GHR: variants seen among roughly 807,000 people sequenced by gnomAD.
The protein encoded by GHR is growth hormone receptor, also known as GH receptor.
In GHR, 35 loss-of-function variants were observed where a neutral mutation model predicts 67.1. The observed-to-expected ratio is 0.52, with a 90% CI of 0.40 to 0.69. The LOEUF is 0.69. GHR is among the 30% of genes least tolerant of loss of function. GHR has a pLI of 0.00. For synonymous variants in GHR, 272 were observed against 269.1 expected (o/e 1.01, Z -0.10); for missense variants, 792 against 764.6 (o/e 1.04, Z -0.42).
intron 1 of GHR, among the ~76,000 whole-genome samples, chr5:42,547,597 A>T (rs1338649581): frequency 6.6e-6 from 1 of 152,200 alleles, no homozygotes; most frequent in African/African-American, 2.4e-5. Flanking sequence ...GGTAATCAGA[A>T]AAACCCTAAA....
chr5:42,617,390 A>G (rs4866941), intron 2 of GHR, among the ~76,000 whole-genome samples: 915 of 6,822 alleles, frequency 0.13, 10 homozygotes, highest in Non-Finnish European at 0.22. Flanking sequence ...CATTTTACAC[A>G]CACACACACA....
At chr5:42,573,722 C>A (rs1225624735) in intron 2 of GHR, among the ~76,000 whole-genome samples, 4 of 152,246 alleles carry the variant, frequency 2.6e-5, no homozygotes, top group Admixed American at 6.5e-5. Flanking sequence ...TTTTCTTAGC[C>A]CCATTCCTTA....
chr5:42,438,295 T>C (rs1160909704), intron 1 of GHR, among the ~76,000 whole-genome samples: 1 of 152,186 alleles, frequency 6.6e-6, no homozygotes, highest in Non-Finnish European at 1.5e-5. Context: ...TCGCACAGTG[T>C]ATTCAAACCC....
At chr5:42,549,296 A>T (rs1358253302) in intron 1 of GHR, among the ~76,000 whole-genome samples, 1 of 152,212 alleles carries the variant, frequency 6.6e-6, no homozygotes, top group East Asian at 1.9e-4. Flanking sequence ...CACCTCTTCC[A>T]AACACCTCTT....
chr5:42,716,031 A>G (rs1758702561), intron 8 of GHR, among the ~76,000 whole-genome samples: 1 of 152,202 alleles, frequency 6.6e-6, no homozygotes, highest in Admixed American at 6.5e-5. Flanking sequence ...TGAATGCATC[A>G]TCCTATTTAA....
chr5:42,626,257 C>T (rs1003735759), intron 2 of GHR, among the ~76,000 whole-genome samples: 5 of 152,144 alleles, frequency 3.3e-5, no homozygotes, highest in Admixed American at 6.5e-5. Flanking sequence ...ACAATACTGT[C>T]CCCCACTTCA....
chr5:42,558,541 A>T lies in GHR; in HGVS notation c.-11-7323A>T, dbSNP rs556389529. ...TTCAATGATGGACTGGTCCCATAAAATTATAAAATCATGTTTTTATGACAT... is the reference window on the plus strand; with the variant it reads ...TTCAATGATGGACTGGTCCCATAAATTTATAAAATCATGTTTTTATGACAT... On this transcript the variant is annotated intron_variant, in intron 1 of 9. Coordinates refer to ENST00000230882, the MANE Select transcript of GHR (RefSeq NM_000163.5). Among the ~76,000 whole-genome samples, 3 of 152,356 alleles carry T rather than the reference A, an allele frequency of 2.0e-5. No homozygotes were observed. In the South Asian group the frequency reaches 6.2e-4, roughly 32 times the overall value.
At chr5:42,612,115 C>T (rs1054423985) in intron 2 of GHR, among the ~76,000 whole-genome samples, 7 of 152,124 alleles carry the variant, frequency 4.6e-5, no homozygotes, top group African/African-American at 1.7e-4. Flanking sequence ...TATGTGGCCA[C>T]ATCCAACAAA....
chr5:42,525,466 G>T (rs1163769830), intron 1 of GHR, among the ~76,000 whole-genome samples: 1 of 152,206 alleles, frequency 6.6e-6, no homozygotes. Flanking sequence ...TAACTAGCTT[G>T]CTTCTGATTT....
intron 3 of GHR, among the ~76,000 whole-genome samples, chr5:42,650,670 G>A (rs990288211): frequency 6.6e-6 from 1 of 150,546 alleles, no homozygotes; most frequent in Admixed American, 6.7e-5. Flanking sequence ...CACATCAGGC[G>A]GCACTGATGG....
intron 1 of GHR, among the ~76,000 whole-genome samples, chr5:42,491,161 G>A (rs968992164): frequency 6.6e-6 from 1 of 152,216 alleles, no homozygotes; most frequent in South Asian, 2.1e-4. Flanking sequence ...TATCATGCCT[G>A]AGGATCGTTT....
chr5:42,673,178 CA>C (rs1224594612), intron 3 of GHR, among the ~76,000 whole-genome samples: 1 of 152,120 alleles, frequency 6.6e-6, no homozygotes, highest in Admixed American at 6.5e-5. Flanking sequence ...CACTAATCAT[CA>C]GAGAAATGCA....
chr5:42,672,227 T>C (rs947463823), intron 3 of GHR, among the ~76,000 whole-genome samples: 9 of 152,092 alleles, frequency 5.9e-5, no homozygotes, highest in African/African-American at 2.2e-4. Flanking sequence ...ACTATATAAT[T>C]CTATGCCTAG....
intron 3 of GHR, among the ~76,000 whole-genome samples, chr5:42,682,563 G>C (rs1370032404): frequency 6.6e-6 from 1 of 152,170 alleles, no homozygotes; most frequent in South Asian, 2.1e-4. Flanking sequence ...GGAATGCTGA[G>C]TGTCTTCAGC....
At chr5:42,446,032 C>G (rs1412494615) in intron 1 of GHR, among the ~76,000 whole-genome samples, 1 of 152,166 alleles carries the variant, frequency 6.6e-6, no homozygotes, top group East Asian at 1.9e-4. Flanking sequence ...CATCTTTGTC[C>G]TTTTGTCTAC....
chr5:42,633,707 T>C (rs115580359), intron 3 of GHR, among the ~76,000 whole-genome samples: 182 of 152,304 alleles, frequency 1.2e-3, no homozygotes, highest in African/African-American at 4.3e-3. Context: ...AATAAACTTA[T>C]CTCCCTGGCA....
intron 3 of GHR, among the ~76,000 whole-genome samples, chr5:42,684,891 G>T (rs1757063935): frequency 6.6e-6 from 1 of 152,118 alleles, no homozygotes. Context: ...GGCAACAGTT[G>T]TTCTCAAACA....
intron 3 of GHR, among the ~76,000 whole-genome samples, chr5:42,658,025 C>T (rs1259988727): frequency 6.6e-6 from 1 of 152,118 alleles, no homozygotes; most frequent in Non-Finnish European, 1.5e-5. Context: ...GGGGATGTGG[C>T]ATTATTGCTT....
intron 2 of GHR, among the ~76,000 whole-genome samples, chr5:42,569,447 C>T (rs563562084): frequency 6.6e-6 from 1 of 152,044 alleles, no homozygotes; most frequent in Non-Finnish European, 1.5e-5. Context: ...ATAGCAAAGG[C>T]ATTATGGAAA....
Sources: allele counts gnomAD v4.1 joint callset (sites outside exome capture counted in the v4.1 genomes callset), GRCh38; gene constraint gnomAD v4.1.1; transcripts MANE v1.5; gene names NCBI Gene and HGNC (gene_info 2026-07-23, HGNC 2026-07-21).